The following KCNH1 variants were observed in gnomAD, a reference collection of about 807,000 sequenced individuals.
The protein encoded by KCNH1 is voltage-gated delayed rectifier potassium channel KCNH1.
A neutral mutation model predicts 69.2 loss-of-function variants in KCNH1; 27 were observed. That is an observed-to-expected ratio of 0.39 (90% CI 0.29 to 0.54). The LOEUF (loss-of-function observed/expected upper bound fraction) is 0.54. Among genes scored for constraint, KCNH1 ranks in the 20% least tolerant of loss-of-function variants. The probability of loss-of-function intolerance (pLI) is 0.68; values close to 1 mark genes in which losing one functional copy is unlikely to be tolerated. For missense variants in KCNH1, 798 were observed against 1,261.6 expected, an observed-to-expected ratio of 0.63 and a Z score of 5.57; for synonymous variants, 456 against 487.7, an observed-to-expected ratio of 0.93 and a Z score of 0.86.
At chr1:210,744,461 T>C (rs1392104552) in intron 10 of KCNH1, among the ~76,000 whole-genome samples, 3 of 152,030 alleles carry the variant, frequency 2.0e-5, no homozygotes, top group Non-Finnish European at 4.4e-5. Flanking sequence ...CTGACCAACA[T>C]AGTGAAACCC....
chr1:210,723,410 G>C (rs1934619), intron 10 of KCNH1, among the ~76,000 whole-genome samples: 1 of 151,868 alleles, frequency 6.6e-6, no homozygotes, highest in African/African-American at 2.4e-5. Flanking sequence ...CTACTACTTA[G>C]ATCCAGCCAC....
intron 10 of KCNH1, among the ~76,000 whole-genome samples, chr1:210,740,229 G>C (rs1222431409): frequency 2.0e-5 from 3 of 152,174 alleles, no homozygotes; most frequent in African/African-American, 7.2e-5. Context: ...CATTCAAAAT[G>C]TTCCCCAGAA....
At chr1:211,083,284 A>G (rs967555082) in intron 4 of KCNH1, among the ~76,000 whole-genome samples, 1 of 152,230 alleles carries the variant, frequency 6.6e-6, no homozygotes, top group African/African-American at 2.4e-5. Flanking sequence ...TGACTTGGTA[A>G]CTTGGCTCAG....
At chr1:210,843,701 C>A (rs566592047) in intron 7 of KCNH1, among the ~76,000 whole-genome samples, 1 of 152,130 alleles carries the variant, frequency 6.6e-6, no homozygotes, top group Non-Finnish European at 1.5e-5. Context: ...AGGAGCACAG[C>A]ATTAATGTTC....
At chr1:210,886,035 T>A (rs1183797211) in intron 7 of KCNH1, among the ~76,000 whole-genome samples, 1 of 152,182 alleles carries the variant, frequency 6.6e-6, no homozygotes, top group East Asian at 1.9e-4. Context: ...GCACAGCACT[T>A]GAGCTCTGCT....
intron 3 of KCNH1, among the ~76,000 whole-genome samples, chr1:211,096,327 G>C (rs757775509): frequency 6.6e-6 from 1 of 152,168 alleles, no homozygotes; most frequent in Non-Finnish European, 1.5e-5. Flanking sequence ...GCCTCCCAAA[G>C]TGCTGTGATT....
chr1:210,922,383 C>CAAAAAAAAAAAAAAAAAAAAAAA (rs758026291), intron 6 of KCNH1, among the ~76,000 whole-genome samples: 1 of 98,350 alleles, frequency 1.0e-5, no homozygotes, highest in African/African-American at 3.5e-5. Flanking sequence ...GACTCCGTCT[C>CAAAAAAAAAAAAAAAAAAAAAAA]AAAAAAAAAA....
intron 10 of KCNH1, among the ~76,000 whole-genome samples, chr1:210,717,325 C>T (rs1682284282): frequency 6.6e-6 from 1 of 152,234 alleles, no homozygotes; most frequent in South Asian, 2.1e-4. Context: ...TCAGCCAAAC[C>T]TGGATGGATC....
At chr1:210,732,984 G>T (rs1558445523) in intron 10 of KCNH1, among the ~76,000 whole-genome samples, 1 of 152,164 alleles carries the variant, frequency 6.6e-6, no homozygotes, top group Non-Finnish European at 1.5e-5. Context: ...TGAGAGCCCA[G>T]GGCACAGCAG....
intron 6 of KCNH1, among the ~76,000 whole-genome samples, chr1:210,994,424 T>C (rs1430388984): frequency 1.3e-5 from 2 of 152,162 alleles, no homozygotes. Flanking sequence ...AAGAAGATTA[T>C]ACAACATAAA....
intron 6 of KCNH1, among the ~76,000 whole-genome samples, chr1:211,000,733 G>A (rs1689160169): frequency 6.6e-6 from 1 of 152,144 alleles, no homozygotes; most frequent in South Asian, 2.1e-4. Context: ...GAACAAAGCT[G>A]GAGGCATCAC....
At chr1:210,954,560 G>A (rs1038970885) in intron 6 of KCNH1, among the ~76,000 whole-genome samples, 1 of 152,104 alleles carries the variant, frequency 6.6e-6, no homozygotes, top group Non-Finnish European at 1.5e-5. Context: ...ATCCTCTCCA[G>A]CATCTGTTGT....
chr1:210,886,543 G>T, intron 7 of KCNH1, among the ~76,000 whole-genome samples: 1 of 152,050 alleles, frequency 6.6e-6, no homozygotes, highest in East Asian at 1.9e-4. Flanking sequence ...GATGGAGAAT[G>T]AATTTGACAA....
At chr1:211,030,919 C>T (rs1007957234) in intron 5 of KCNH1, among the ~76,000 whole-genome samples, 3 of 151,762 alleles carry the variant, frequency 2.0e-5, no homozygotes, top group African/African-American at 7.3e-5. Flanking sequence ...AATGTAAAAG[C>T]TGAGTAAAAG....
chr1:210,700,443 T>C (rs143506447), intron 10 of KCNH1, among the ~76,000 whole-genome samples: 33 of 152,308 alleles, frequency 2.2e-4, no homozygotes, highest in African/African-American at 7.7e-4. Flanking sequence ...CCAAGTACCT[T>C]CTGACTCCTT....
In KCNH1 at chr1:210,682,382, C is replaced by T. The variant is rs1472317514; in HGVS notation, c.*899G>A. On this transcript the variant is annotated 3_prime_UTR_variant, in exon 11 of 11. Coordinates refer to ENST00000271751, the MANE Select transcript of KCNH1 (RefSeq NM_172362.3). ...AATAAAGCAACTCTGGGCTCATGAC[C>T]CTTCCTGCCGATGCTCCATACCCTG... 3 of 152,214 alleles carry T rather than the reference C, an allele frequency of 2.0e-5. No homozygotes were observed. The highest frequency in any genetic ancestry group is 7.2e-5 in the African/African-American group (3 of 41,424). 9.4% of individuals were successfully genotyped at this position (152,214 alleles called of 1,614,324 possible). A position where few individuals can be genotyped will look rare whatever the true frequency, so the allele number is the denominator to read the frequency against.
At chr1:210,961,386 A>T (rs1246799073) in intron 6 of KCNH1, among the ~76,000 whole-genome samples, 1 of 151,956 alleles carries the variant, frequency 6.6e-6, no homozygotes, top group East Asian at 1.9e-4. Context: ...CAAGATTACT[A>T]ATTTTTTCTT....
At chr1:210,965,753 A>G (rs1343764700) in intron 6 of KCNH1, among the ~76,000 whole-genome samples, 1 of 152,174 alleles carries the variant, frequency 6.6e-6, no homozygotes, top group African/African-American at 2.4e-5. Flanking sequence ...AAATTGAAAA[A>G]CATTCCATGC....
At chr1:210,795,960 AAAACACACAC>A (rs1292343388) in intron 9 of KCNH1, among the ~76,000 whole-genome samples, 5 of 68,526 alleles carry the variant, frequency 7.3e-5, no homozygotes, top group Admixed American at 3.3e-4. Flanking sequence ...ATCTCTACTA[AAAACACACAC>A]ACACACACAC....
Sources: allele counts gnomAD v4.1 joint callset (sites outside exome capture counted in the v4.1 genomes callset), GRCh38; gene constraint gnomAD v4.1.1; transcripts MANE v1.5; gene names NCBI Gene and HGNC (gene_info 2026-07-23, HGNC 2026-07-21).